Variants in AGAP1 observed in about 807,000 individuals in gnomAD.
AGAP1 encodes ArfGAP with GTPase domain, ankyrin repeat and PH domain 1.
AGAP1 carries 29 observed loss-of-function variants against 105.3 expected under a neutral mutation model. That is an observed-to-expected ratio of 0.28 (90% CI 0.21 to 0.38). AGAP1 has a LOEUF of 0.38. AGAP1 is among the 10% of genes least tolerant of loss of function. The pLI, the probability that AGAP1 is intolerant of heterozygous loss-of-function variation, is 1.00. For synonymous variants in AGAP1, 509 were observed against 485.9 expected (o/e 1.05, Z -0.63); for missense variants, 998 against 1,165.1 (o/e 0.86, Z 2.09).
At chr2:235,580,205 C>A (rs928654267) in intron 1 of AGAP1, among the ~76,000 whole-genome samples, 1 of 152,048 alleles carries the variant, frequency 6.6e-6, no homozygotes, top group Non-Finnish European at 1.5e-5. Flanking sequence ...CAGCTATGAA[C>A]GTGCGTGTAC....
intron 1 of AGAP1, among the ~76,000 whole-genome samples, chr2:235,641,877 AGCATTTTCT>A (rs1202378953): frequency 1.3e-5 from 2 of 152,190 alleles, no homozygotes; most frequent in Non-Finnish European, 2.9e-5. Flanking sequence ...AAGAATTATT[AGCATTTTCT>A]GCATTGCTCC....
rs548085133 is a variant in AGAP1 at position 235,950,129 on chromosome 2, G to A, written c.1484-18333G>A. Among the ~76,000 whole-genome samples the A allele has an allele frequency of 5.3e-5, 8 of 152,296 alleles. 1 individual carries two copies. Among genetic ancestry groups the A allele is most frequent in the Admixed American group, 2.0e-4 (3 of 15,306 alleles). On this transcript the variant is annotated intron_variant, in intron 12 of 17. Coordinates refer to ENST00000304032, the MANE Select transcript of AGAP1 (RefSeq NM_001037131.3). ...AAGGTCCATGCTGGAGTTGGAGAGC[G>A]CAGAAAATGGGGTGAGTGTAAAAGT...
chr2:235,662,242 C>T lies in AGAP1; in HGVS notation c.164-46937C>T, dbSNP rs1225210959. On this transcript the variant is annotated intron_variant, in intron 1 of 17. Coordinates refer to ENST00000304032, the MANE Select transcript of AGAP1 (RefSeq NM_001037131.3). The surrounding 1 kb of genome is among the most constrained non-coding windows in gnomAD (Gnocchi z 4.2). ...CCAGCTTTGTGTATCCACTCAGTTG[C>T]ATGCCAGGTAGTCACATCTTAACTT... is the stretch of plus-strand genomic sequence containing the variant. Among the ~76,000 whole-genome samples the T allele has an allele frequency of 6.6e-6, 1 of 152,234 alleles. No individual in the cohort carries two copies. The highest frequency in any genetic ancestry group is 1.5e-5 in the Non-Finnish European group (1 of 68,044).
In AGAP1 at chr2:236,129,067, A is replaced by G. The variant is rs532185262; in HGVS notation, c.*4945A>G. On this transcript the variant is annotated 3_prime_UTR_variant, in exon 18 of 18. Coordinates refer to ENST00000304032, the MANE Select transcript of AGAP1 (RefSeq NM_001037131.3). The surrounding 1 kb of genome is among the most constrained non-coding windows in gnomAD (Gnocchi z 6.2). ...ATGTTGTGAAGTCACATCTTGAATG[A>G]CTGTCACCCTCATCCTTCCCCAAAA... is the stretch of plus-strand genomic sequence containing the variant. 12 of 152,290 alleles carry G rather than the reference A, an allele frequency of 7.9e-5. No homozygotes were observed. The South Asian group carries it at 1.7e-3, about 21-fold the overall frequency. 9.4% of individuals were successfully genotyped at this position (152,290 alleles called of 1,614,324 possible). A position where few individuals can be genotyped will look rare whatever the true frequency, so the allele number is the denominator to read the frequency against.
rs547467188 is a variant in AGAP1 at position 235,577,767 on chromosome 2, T to A, written c.163+82918T>A. Among the ~76,000 whole-genome samples, 30 of 152,200 alleles carry A rather than the reference T, an allele frequency of 2.0e-4. 1 individual carries two copies. The South Asian group carries it at 6.0e-3, about 31-fold the overall frequency. Reference sequence around the variant, plus strand: ...TTCAACACAGGCTTGTCTGCTGGCCTCCCCCGGGAGAGAGAGTAGGTTTGC... The same window carrying A: ...TTCAACACAGGCTTGTCTGCTGGCCACCCCCGGGAGAGAGAGTAGGTTTGC... On this transcript the variant is annotated intron_variant, in intron 1 of 17. Coordinates refer to ENST00000304032, the MANE Select transcript of AGAP1 (RefSeq NM_001037131.3). The surrounding 1 kb of genome is among the most constrained non-coding windows in gnomAD (Gnocchi z 4.5).
intron 1 of AGAP1, among the ~76,000 whole-genome samples, chr2:235,513,561 C>T: frequency 6.8e-6 from 1 of 146,074 alleles, no homozygotes; most frequent in East Asian, 2.1e-4. Context: ...ATGCAGATCA[C>T]TGGGCTCCAC....
intron 1 of AGAP1, among the ~76,000 whole-genome samples, chr2:235,634,986 T>C (rs1946949240): frequency 6.6e-6 from 1 of 151,636 alleles, no homozygotes; most frequent in Non-Finnish European, 1.5e-5. Context: ...CTGTAGACAG[T>C]GGCCAACCGT....
intron 13 of AGAP1, among the ~76,000 whole-genome samples, chr2:235,980,048 C>T (rs1009066274): frequency 2.6e-5 from 4 of 152,126 alleles, no homozygotes; most frequent in African/African-American, 7.2e-5. Context: ...CGATTCGTAC[C>T]GCTTGACAGT....
intron 8 of AGAP1, among the ~76,000 whole-genome samples, chr2:235,802,983 ATGGTTGTGATGGTGG>A (rs1391392238): frequency 1.5e-4 from 19 of 130,672 alleles, no homozygotes; most frequent in African/African-American, 1.5e-4. Flanking sequence ...TGTGGTTGTG[ATGGTTGTGATGGTGG>A]TGATGGTTGT....
At chr2:235,786,925 G>A (rs570334677) in intron 6 of AGAP1, among the ~76,000 whole-genome samples, 3 of 152,336 alleles carry the variant, frequency 2.0e-5, no homozygotes, top group East Asian at 1.9e-4. Flanking sequence ...TTCCCCGCTT[G>A]TTCTGGCTCC....
chr2:235,910,022 A>C (rs2051502325), intron 11 of AGAP1, among the ~76,000 whole-genome samples: 1 of 152,126 alleles, frequency 6.6e-6, no homozygotes, highest in African/African-American at 2.4e-5. Context: ...CTATCTCAAA[A>C]AAAAAAACAG....
At chr2:236,026,114 G>GGCACCT (rs772105948) in intron 13 of AGAP1, among the ~76,000 whole-genome samples, 201 of 152,358 alleles carry the variant, frequency 1.3e-3, no homozygotes, top group Middle Eastern at 6.8e-3. Flanking sequence ...AGAGGGCAGA[G>GGCACCT]GCACCTGCAC....
rs925314038 is a variant in AGAP1 at position 235,691,564 on chromosome 2, C to T, written c.164-17615C>T. Among the ~76,000 whole-genome samples, 2 of 152,220 alleles carry T rather than the reference C, an allele frequency of 1.3e-5. No individual in the cohort carries two copies. The highest frequency in any genetic ancestry group is 2.9e-5 in the Non-Finnish European group (2 of 68,046). On this transcript the variant is annotated intron_variant, in intron 1 of 17. Coordinates refer to ENST00000304032, the MANE Select transcript of AGAP1 (RefSeq NM_001037131.3). The surrounding 1 kb of genome is among the most constrained non-coding windows in gnomAD (Gnocchi z 4.4). ...ACTGGTTCTAAAACAGTCGGATAGC[C>T]GTGGTCATTTGTGGATGTGAGCACA...
intron 9 of AGAP1, among the ~76,000 whole-genome samples, chr2:235,816,736 C>T (rs1468758635): frequency 6.6e-6 from 1 of 151,916 alleles, no homozygotes; most frequent in African/African-American, 2.4e-5. Context: ...ACTAAAAATA[C>T]AAAAATTAGC....
chr2:235,928,424 G>T (rs1444814727), intron 11 of AGAP1, among the ~76,000 whole-genome samples: 1 of 152,156 alleles, frequency 6.6e-6, no homozygotes. Context: ...GGAGAGAGGG[G>T]GTCACCCAGC....
intron 6 of AGAP1, among the ~76,000 whole-genome samples, chr2:235,795,538 G>A (rs1559497832): frequency 6.6e-6 from 1 of 152,034 alleles, no homozygotes; most frequent in African/African-American, 2.4e-5. Flanking sequence ...GGGTTACCCT[G>A]TAGTTTTAAA....
At chr2:235,780,624 A>G (rs879417386) in intron 6 of AGAP1, among the ~76,000 whole-genome samples, 4 of 152,242 alleles carry the variant, frequency 2.6e-5, no homozygotes, top group African/African-American at 9.6e-5. Flanking sequence ...AATGAGAAAG[A>G]TAAGAAATTT....
At chr2:235,576,654 G>A (rs1437308548) in intron 1 of AGAP1, among the ~76,000 whole-genome samples, 1 of 152,192 alleles carries the variant, frequency 6.6e-6, no homozygotes, top group Non-Finnish European at 1.5e-5. Context: ...TTCGAGTCCC[G>A]CAGGCAAGAA....
In AGAP1 at chr2:235,842,709, T is replaced by C. The variant is rs1431536703; in HGVS notation, c.1050+35378T>C. ...TATAAACTGAAGTTTTCATCCCATG[T>C]GTCAGGTTTGTTTTTTTTGTTTTGT... On this transcript the variant is annotated intron_variant, in intron 9 of 17. Transcript: ENST00000304032. The surrounding 1 kb of genome is among the most constrained non-coding windows in gnomAD (Gnocchi z 5.3). Among the ~76,000 whole-genome samples, 1 of 152,086 alleles carries C rather than the reference T, an allele frequency of 6.6e-6. No homozygotes were observed. The highest frequency in any genetic ancestry group is 2.4e-5 in the African/African-American group (1 of 41,352).
Sources: gnomAD v4.1 joint callset for allele counts (sites outside exome capture counted in the v4.1 genomes callset) on GRCh38, gnomAD v4.1.1 for gene constraint, Gnocchi (gnomAD v3.1) non-coding constraint, MANE v1.5 for transcripts, NCBI Gene and HGNC (gene_info 2026-07-23, HGNC 2026-07-21) for gene names.